The following HNRNPK variants were observed in gnomAD, a reference collection of about 807,000 sequenced individuals.
The protein encoded by HNRNPK is dC-stretch binding protein.
Under a neutral mutation model 67.0 loss-of-function variants are expected in HNRNPK, and 7 were observed. The ratio of observed to expected loss-of-function variants is 0.10; its 90% CI spans 0.06 to 0.20. HNRNPK has a LOEUF of 0.20. Among genes scored for constraint, HNRNPK ranks in the 10% least tolerant of loss-of-function variants. HNRNPK has a pLI of 1.00. For synonymous variants in HNRNPK, 213 were observed against 193.7 expected (o/e 1.10, Z -0.83); for missense variants, 264 against 606.5 (o/e 0.44, Z 5.93).
rs1371180214 is a variant in HNRNPK, at chr9:83,971,244, T to C, written c.1092+29A>G. ...GGTAAGCATCTTAAATTATCACTGATATACACACGAACAACTATGATACTC... is the reference window on the plus strand; with the variant it reads ...GGTAAGCATCTTAAATTATCACTGACATACACACGAACAACTATGATACTC... On this transcript the variant is annotated intron_variant, in intron 13 of 16. Coordinates refer to ENST00000376263, the MANE Select transcript of HNRNPK (RefSeq NM_031263.4). The C allele has an allele frequency of 1.0e-5, 14 of 1,374,682 alleles. 1 individual carries two copies. The South Asian group carries it at 1.5e-4, about 15-fold the overall frequency. 85.2% of individuals were successfully genotyped at this position (1,374,682 alleles called of 1,614,324 possible). A position where few individuals can be genotyped will look rare whatever the true frequency, so the allele number is the denominator to read the frequency against.
chr9:83,969,303 C>CA lies in HNRNPK; in HGVS notation c.*103dup. Reference sequence around the variant, plus strand: ...GGAATGTTGGCTTTTTAAACAGAAGCAGATAAAAAAAAAAAGATGCAGGAC... The same window carrying CA: ...GGAATGTTGGCTTTTTAAACAGAAGCAAGATAAAAAAAAAAAGATGCAGGAC... On this transcript the variant is annotated 3_prime_UTR_variant, in exon 17 of 17. Coordinates refer to ENST00000376263, the MANE Select transcript of HNRNPK (RefSeq NM_031263.4). 1.3e-6 allele frequency: 1 copy of CA among 771,992 alleles called. No homozygotes were observed. Among genetic ancestry groups the CA allele is most frequent in the South Asian group, 1.5e-5 (1 of 68,446 alleles). The allele number at this position is 771,992 out of a possible 1,614,324, so 47.8% of individuals were successfully genotyped here.
chr9:83,974,676 TCA>T (rs972242424), intron 6 of HNRNPK, 87 bp from the exon 7 acceptor site: 42 of 824,278 alleles, frequency 5.1e-5, no homozygotes, highest in South Asian at 2.5e-4. Flanking sequence ...ATACAAACTT[TCA>T]CAGAGATGTA....
chr9:83,973,609 G>T (rs191000439), intron 8 of HNRNPK, among the ~76,000 whole-genome samples: 3 of 152,238 alleles, frequency 2.0e-5, no homozygotes, highest in Admixed American at 2.0e-4. Context: ...TTATTTTCAG[G>T]TCCTGCAACA....
At chr9:83,970,069 C>T (rs918525644) in intron 16 of HNRNPK, 93 bp downstream of exon 16, 37 of 1,042,444 alleles carry the variant, frequency 3.5e-5, no homozygotes, top group Non-Finnish European at 4.5e-5. Flanking sequence ...GTTGAGACAC[C>T]ATGGCTTCTA....
intron 6 of HNRNPK, among the ~76,000 whole-genome samples, chr9:83,975,166 T>C (rs922544450): frequency 2.0e-5 from 3 of 152,126 alleles, no homozygotes; most frequent in African/African-American, 7.2e-5. Context: ...GGAAGCAAGG[T>C]GGGCCACAAA....
chr9:83,976,042 GGA>G (rs1388250399), intron 5 of HNRNPK, among the ~76,000 whole-genome samples: 3 of 152,174 alleles, frequency 2.0e-5, no homozygotes, highest in African/African-American at 7.2e-5. Context: ...TGGATTAAGA[GGA>G]GAGAGGTTTA....
intron 16 of HNRNPK, 44 bp from the exon 17 acceptor site, chr9:83,969,484 CG>C (rs1956722623): frequency 8.1e-7 from 1 of 1,237,244 alleles, no homozygotes; most frequent in East Asian, 2.3e-5. Context: ...AATTTTTGCT[CG>C]TAACATCTTA....
chr9:83,974,655 G>A, intron 6 of HNRNPK, 66 bp from the exon 7 acceptor site: 2 of 1,051,502 alleles, frequency 1.9e-6, no homozygotes, highest in Non-Finnish European at 2.9e-6. Context: ...TTTTGTGTTT[G>A]TCACCAAATC....
intron 4 of HNRNPK, 33 bp downstream of exon 4, chr9:83,977,656 C>A (rs1957133141): frequency 1.5e-6 from 2 of 1,317,850 alleles, no homozygotes; most frequent in Non-Finnish European, 1.1e-6. Flanking sequence ...TGAGTATGAA[C>A]CACCTTCAAA....
chr9:83,976,858 C>G (rs3818725), intron 5 of HNRNPK, 137 bp downstream of exon 5: 17,618 of 549,780 alleles, frequency 0.032, 1,290 homozygotes, highest in East Asian at 0.24. Context: ...ACTTCGAAAT[C>G]AATTCTGTAA....
chr9:83,973,270 A>G lies in HNRNPK; in HGVS notation c.516+16T>C. ...ACTTTCCAGCAAAGAATACGGCAGA[A>G]TTTTTTTTTTTTTACCTCTCGAAGT... On this transcript the variant is annotated intron_variant, in intron 9 of 16. Transcript: ENST00000376263. The G allele has an allele frequency of 3.2e-6, 4 of 1,233,182 alleles. No homozygotes were observed. The highest frequency in any genetic ancestry group is 1.3e-5 in the South Asian group (1 of 78,090). The allele number at this position is 1,233,182 out of a possible 1,614,324, so 76.4% of individuals were successfully genotyped here.
intron 16 of HNRNPK, 162 bp from the exon 17 acceptor site, chr9:83,969,602 T>C (rs1375522882): frequency 1.6e-6 from 1 of 631,620 alleles, no homozygotes; most frequent in Non-Finnish European, 2.9e-6. Context: ...CAATGTTAAG[T>C]GTCAAGAAAA....
chr9:83,975,672 C>T, intron 5 of HNRNPK, 167 bp from the exon 6 acceptor site: 1 of 699,206 alleles, frequency 1.4e-6, no homozygotes, highest in Non-Finnish European at 2.7e-6. Context: ...TGGTGGGCAA[C>T]GCAGGGGTAA....
intron 10 of HNRNPK, 32 bp from the exon 11 acceptor site, chr9:83,972,221 T>C (rs1473561517): frequency 7.3e-6 from 11 of 1,505,876 alleles, no homozygotes; most frequent in Non-Finnish European, 9.9e-6. Flanking sequence ...ACTTACAGAC[T>C]GAAGAAAAAG....
chr9:83,974,069 C>A, intron 7 of HNRNPK, 96 bp from the exon 8 acceptor site: 1 of 703,280 alleles, frequency 1.4e-6, no homozygotes, highest in Non-Finnish European at 2.4e-6. Flanking sequence ...TATTTTAAAT[C>A]TATATTATTA....
chr9:83,975,141 G>C (rs1398440739), intron 6 of HNRNPK, among the ~76,000 whole-genome samples: 4 of 152,202 alleles, frequency 2.6e-5, no homozygotes, highest in East Asian at 1.9e-4. Context: ...AAAAAATTAT[G>C]AACAGGCAAT....
chr9:83,973,511 A>T, intron 8 of HNRNPK, 112 bp from the exon 9 acceptor site: 1 of 690,028 alleles, frequency 1.4e-6, no homozygotes, highest in East Asian at 2.6e-5. Flanking sequence ...ACCTGAATTT[A>T]TATTTCAATA....
Position 83,968,186 on chromosome 9 carries a change from T to C in HNRNPK, c.*1221A>G, listed in dbSNP as rs1383195181. ...CGGGCACACATCAAATCTAGCATCA[T>C]GGGTGTTTTATTTATTTGGAAGTGA... On this transcript the variant is annotated 3_prime_UTR_variant, in exon 17 of 17. Coordinates refer to ENST00000376263, the MANE Select transcript of HNRNPK (RefSeq NM_031263.4). 1 of 152,588 alleles carries C rather than the reference T, an allele frequency of 6.6e-6. No homozygotes were observed. The highest frequency in any genetic ancestry group is 1.5e-5 in the Non-Finnish European group (1 of 68,020). 9.5% of individuals were successfully genotyped at this position (152,588 alleles called of 1,614,324 possible).
chr9:83,973,823 G>T, intron 8 of HNRNPK, 79 bp downstream of exon 8: 1 of 1,073,190 alleles, frequency 9.3e-7, no homozygotes. Flanking sequence ...GATGGGAAAA[G>T]CACACTATGT....
Sources: gnomAD v4.1 joint callset for allele counts (sites outside exome capture counted in the v4.1 genomes callset) on GRCh38, gnomAD v4.1.1 for gene constraint, MANE v1.5 for transcripts, NCBI Gene and HGNC (gene_info 2026-07-23, HGNC 2026-07-21) for gene names.